ADAMTS17: variants seen among roughly 807,000 people sequenced by gnomAD.
The protein encoded by ADAMTS17 is ADAM metallopeptidase with thrombospondin type 1 motif 17.
ADAMTS17 carries 113 observed loss-of-function variants against 141.5 expected under a neutral mutation model. That is an observed-to-expected ratio of 0.80 (90% confidence interval 0.69 to 0.93). The LOEUF is 0.93. ADAMTS17 is among the 40% of genes least tolerant of loss of function. The probability of loss-of-function intolerance (pLI) is 0.00; values close to 1 mark genes in which losing one functional copy is unlikely to be tolerated. For synonymous variants in ADAMTS17, 768 were observed against 630.6 expected, an observed-to-expected ratio of 1.22 and a Z score of -3.27; for missense variants, 1,659 against 1,517.9, an observed-to-expected ratio of 1.09 and a Z score of -1.54.
chr15:100,206,938 C>T (rs4246303), intron 7 of ADAMTS17, among the ~76,000 whole-genome samples: 23,897 of 152,240 alleles, frequency 0.16, 2,180 homozygotes, highest in Non-Finnish European at 0.21. Context: ...GGCTGCTCAA[C>T]TGTGATGACA....
At chr15:100,141,643 G>A (rs934716410) in intron 10 of ADAMTS17, among the ~76,000 whole-genome samples, 1 of 152,182 alleles carries the variant, frequency 6.6e-6, no homozygotes, top group Non-Finnish European at 1.5e-5. Context: ...GAGGGCTACA[G>A]AGACCGTCAC....
At chr15:100,201,088 C>T (rs1329555907) in intron 7 of ADAMTS17, among the ~76,000 whole-genome samples, 1 of 152,192 alleles carries the variant, frequency 6.6e-6, no homozygotes, top group African/African-American at 2.4e-5. Flanking sequence ...AACCAACATC[C>T]TCTTTGCTGA....
chr15:100,127,329 GAC>G (rs1203816824), intron 12 of ADAMTS17, among the ~76,000 whole-genome samples: 8 of 152,134 alleles, frequency 5.3e-5, no homozygotes, highest in African/African-American at 1.7e-4. Flanking sequence ...AAGGTGAGAG[GAC>G]ACACAGAGAA....
intron 3 of ADAMTS17, among the ~76,000 whole-genome samples, chr15:100,325,313 T>G (rs546455661): frequency 6.6e-6 from 1 of 152,198 alleles, no homozygotes; most frequent in Non-Finnish European, 1.5e-5. Flanking sequence ...CCTTAGAATG[T>G]GGTTGCATTT....
At chr15:100,082,982 G>A (rs2034855018) in intron 15 of ADAMTS17, among the ~76,000 whole-genome samples, 1 of 151,952 alleles carries the variant, frequency 6.6e-6, no homozygotes, top group East Asian at 1.9e-4. Flanking sequence ...GCTGTGTTGT[G>A]GGAAAACTCC....
intron 3 of ADAMTS17, among the ~76,000 whole-genome samples, chr15:100,314,126 A>G (rs890271554): frequency 6.6e-6 from 1 of 152,272 alleles, no homozygotes; most frequent in Non-Finnish European, 1.5e-5. Flanking sequence ...CAAAATAACT[A>G]GTCTATACTA....
rs1047305019 is a variant in ADAMTS17 at position 100,117,155 on chromosome 15, C to A, written c.1722-142G>T. ...GCCACCCCCTCTCTGCTGTTACAGA[C>A]CAAATGCCCACAATCCCAGACCCAC... On this transcript the variant is annotated intron_variant, in intron 12 of 21. Transcript: ENST00000268070. The A allele has an allele frequency of 8.4e-6, 8 of 949,360 alleles. No homozygotes were observed. In the African/African-American group the frequency reaches 1.1e-4, roughly 13 times the overall value. The allele number at this position is 949,360 out of a possible 1,614,324, so 58.8% of individuals were successfully genotyped here. A position where few individuals can be genotyped will look rare whatever the true frequency, so the allele number is the denominator to read the frequency against.
chr15:100,124,816 C>T (rs750734377), intron 12 of ADAMTS17, among the ~76,000 whole-genome samples: 27 of 152,164 alleles, frequency 1.8e-4, no homozygotes, highest in African/African-American at 5.6e-4. Flanking sequence ...ATTTCCCAAG[C>T]GCCTGCAGAA....
intron 13 of ADAMTS17, among the ~76,000 whole-genome samples, chr15:100,116,132 TAAAAAAA>T (rs34003703): frequency 4.7e-5 from 4 of 84,782 alleles, no homozygotes; most frequent in South Asian, 4.9e-4. Context: ...CAGTTTTAGG[TAAAAAAA>T]AAAAAAAAAA....
chr15:100,117,037 G>A (rs1453627869), intron 12 of ADAMTS17, 24 bp from the exon 13 acceptor site: 6 of 1,585,578 alleles, frequency 3.8e-6, no homozygotes, highest in African/African-American at 1.3e-5. Flanking sequence ...GAAGGTCTGT[G>A]TTAACCAGGT....
chr15:100,284,569 G>A (rs754309454), intron 3 of ADAMTS17, among the ~76,000 whole-genome samples: 1 of 152,140 alleles, frequency 6.6e-6, no homozygotes. Context: ...CTGGGGTGCT[G>A]GCAAGTGAGA....
chr15:100,206,113 G>T (rs12914220), intron 7 of ADAMTS17, among the ~76,000 whole-genome samples: 4,320 of 152,304 alleles, frequency 0.028, 67 homozygotes, highest in South Asian at 0.04. Context: ...GGGGAGCAAC[G>T]GCGGGCGGCA....
rs373108777 is a variant in ADAMTS17, at chr15:100,086,380, C to A, written c.2137+9976G>T. Reference sequence around the variant, plus strand: ...TAGTGACTAGAAAGAGACTTAGACTCCCACACAATAATAATGGGAGACTTT... The same window carrying A: ...TAGTGACTAGAAAGAGACTTAGACTACCACACAATAATAATGGGAGACTTT... On this transcript the variant is annotated intron_variant, in intron 15 of 21. Transcript: ENST00000268070. 1.9e-4 allele frequency among the ~76,000 whole-genome samples: 29 copies of A among 151,064 alleles called. No homozygotes were observed. In the East Asian group the frequency reaches 5.2e-3, roughly 27 times the overall value.
chr15:100,296,622 T>C (rs1387827763), intron 3 of ADAMTS17, among the ~76,000 whole-genome samples: 1 of 151,870 alleles, frequency 6.6e-6, no homozygotes, highest in Non-Finnish European at 1.5e-5. Flanking sequence ...TGTGTGCGCA[T>C]GCACGCGCAC....
intron 21 of ADAMTS17, 84 bp downstream of exon 21, chr15:99,975,961 T>C: frequency 1.4e-6 from 2 of 1,433,254 alleles, no homozygotes; most frequent in Non-Finnish European, 1.9e-6. Context: ...GCTTTCTGGC[T>C]GAAAGAACCT....
At chr15:100,120,369 C>T (rs1367967215) in intron 12 of ADAMTS17, among the ~76,000 whole-genome samples, 2 of 152,204 alleles carry the variant, frequency 1.3e-5, no homozygotes, top group African/African-American at 4.8e-5. Context: ...GCTCCTGTTG[C>T]AACTTTCTGG....
intron 18 of ADAMTS17, among the ~76,000 whole-genome samples, chr15:99,998,938 C>G (rs2060861845): frequency 6.6e-6 from 1 of 152,238 alleles, no homozygotes; most frequent in Non-Finnish European, 1.5e-5. Context: ...TAGTCAAAAA[C>G]AGTCCTGAAT....
chr15:100,278,532 T>C (rs955709674), intron 4 of ADAMTS17, among the ~76,000 whole-genome samples: 1 of 152,024 alleles, frequency 6.6e-6, no homozygotes, highest in Non-Finnish European at 1.5e-5. Flanking sequence ...GAGCCTGGCA[T>C]ATGAGGAAAC....
intron 20 of ADAMTS17, among the ~76,000 whole-genome samples, chr15:99,983,838 AC>A (rs2060529465): frequency 6.6e-6 from 1 of 152,212 alleles, no homozygotes; most frequent in Non-Finnish European, 1.5e-5. Context: ...AAAGAGACTG[AC>A]GGAATCCTGA....
Sources: gnomAD v4.1 joint callset for allele counts (sites outside exome capture counted in the v4.1 genomes callset) on GRCh38, gnomAD v4.1.1 for gene constraint, MANE v1.5 for transcripts, NCBI Gene and HGNC (gene_info 2026-07-23, HGNC 2026-07-21) for gene names.